ASIC2: variants seen among roughly 807,000 people sequenced by gnomAD.
The protein encoded by ASIC2 is acid-sensing ion channel 2.
ASIC2 carries 25 observed loss-of-function variants against 57.3 expected under a neutral mutation model. The ratio of observed to expected loss-of-function variants is 0.44; its 90% confidence interval spans 0.32 to 0.61. ASIC2 has a LOEUF of 0.61. Ranked by LOEUF, ASIC2 falls within the 20% of genes least tolerant of loss-of-function variation. The pLI is 0.06. For synonymous variants in ASIC2, 319 were observed against 307.5 expected (o/e 1.04, Z -0.39); for missense variants, 641 against 738.1 (o/e 0.87, Z 1.52).
At chr17:33,342,904 G>T (rs1907784576) in intron 1 of ASIC2, among the ~76,000 whole-genome samples, 2 of 152,156 alleles carry the variant, frequency 1.3e-5, no homozygotes, top group South Asian at 4.1e-4. Context: ...GGCAGGGCAG[G>T]CTCTAGGGAC....
chr17:33,417,829 A>G (rs1248477528), intron 1 of ASIC2, among the ~76,000 whole-genome samples: 1 of 152,114 alleles, frequency 6.6e-6, no homozygotes, highest in Non-Finnish European at 1.5e-5. Flanking sequence ...AGTCCACAAC[A>G]TCTGTGTGAT....
chr17:33,538,269 A>G (rs1488845809), intron 1 of ASIC2, among the ~76,000 whole-genome samples: 1 of 152,214 alleles, frequency 6.6e-6, no homozygotes, highest in East Asian at 1.9e-4. Context: ...GTGAATGATT[A>G]GGTCTCATCG....
intron 1 of ASIC2, among the ~76,000 whole-genome samples, chr17:33,168,013 T>C (rs575855769): frequency 6.6e-6 from 1 of 152,220 alleles, no homozygotes; most frequent in African/African-American, 2.4e-5. Context: ...AATGCAATAA[T>C]GCCAATATTG....
chr17:33,751,320 G>C (rs542921955), intron 1 of ASIC2, among the ~76,000 whole-genome samples: 1 of 152,162 alleles, frequency 6.6e-6, no homozygotes, highest in Admixed American at 6.5e-5. Flanking sequence ...CCATCTAGTG[G>C]CACTGCCAGG....
chr17:34,116,474 G>T (rs1464343871), intron 1 of ASIC2, among the ~76,000 whole-genome samples: 2 of 152,164 alleles, frequency 1.3e-5, no homozygotes, highest in East Asian at 3.9e-4. Flanking sequence ...TCACCCCTCA[G>T]TGTAGGCCAG....
intron 1 of ASIC2, among the ~76,000 whole-genome samples, chr17:34,115,339 C>T (rs766255853): frequency 2.6e-5 from 4 of 152,174 alleles, no homozygotes; most frequent in Non-Finnish European, 4.4e-5. Context: ...CACTAGAACT[C>T]ATGTTTCCCA....
intron 1 of ASIC2, among the ~76,000 whole-genome samples, chr17:34,079,481 G>A (rs1187573034): frequency 6.6e-6 from 1 of 152,152 alleles, no homozygotes; most frequent in Non-Finnish European, 1.5e-5. Context: ...AGGTAGACCA[G>A]GTACCTCACT....
chr17:33,727,692 C>T (rs866670329), intron 1 of ASIC2, among the ~76,000 whole-genome samples: 2 of 152,196 alleles, frequency 1.3e-5, no homozygotes, highest in Non-Finnish European at 2.9e-5. Flanking sequence ...CAGAAGCCAA[C>T]GGATGGCCAG....
chr17:33,807,578 CTCTT>C (rs980366348), intron 1 of ASIC2, among the ~76,000 whole-genome samples: 8 of 152,140 alleles, frequency 5.3e-5, no homozygotes, highest in African/African-American at 1.9e-4. Context: ...CCTCTTTACT[CTCTT>C]TCTTCTCTTG....
chr17:33,350,662 A>G (rs2142248106), intron 1 of ASIC2, among the ~76,000 whole-genome samples: 1 of 152,080 alleles, frequency 6.6e-6, no homozygotes, highest in East Asian at 1.9e-4. Context: ...AGTCTGGGCA[A>G]CAGAGCGAGA....
intron 1 of ASIC2, among the ~76,000 whole-genome samples, chr17:33,964,054 C>T (rs889578990): frequency 1.1e-4 from 17 of 152,220 alleles, no homozygotes; most frequent in African/African-American, 3.6e-4. Flanking sequence ...CAGGGCCCAA[C>T]TCCCCATTGC....
At chr17:33,464,687 C>A (rs200927929) in intron 1 of ASIC2, among the ~76,000 whole-genome samples, 1,566 of 132,606 alleles carry the variant, frequency 0.012, 62 homozygotes, top group East Asian at 0.11. Flanking sequence ...CTCTCTCTCT[C>A]TATATATATA....
chr17:33,425,759 T>C (rs1188803391), intron 1 of ASIC2, among the ~76,000 whole-genome samples: 1 of 152,100 alleles, frequency 6.6e-6, no homozygotes, highest in Admixed American at 6.5e-5. Flanking sequence ...TGCGTGGCTA[T>C]TAGGGATGAA....
At chr17:33,985,367 T>C (rs1905781040) in intron 1 of ASIC2, among the ~76,000 whole-genome samples, 1 of 152,216 alleles carries the variant, frequency 6.6e-6, no homozygotes, top group African/African-American at 2.4e-5. Context: ...CTCGTAACTT[T>C]AGCGTGCATA....
At chr17:33,233,818 A>G (rs770279638) in intron 1 of ASIC2, among the ~76,000 whole-genome samples, 2 of 152,220 alleles carry the variant, frequency 1.3e-5, no homozygotes, top group Non-Finnish European at 2.9e-5. Flanking sequence ...ACACACAGAT[A>G]CACACACTTA....
chr17:33,070,794 G>A lies in ASIC2; in HGVS notation c.987+18069C>T, dbSNP rs150607901. 3.4e-3 allele frequency among the ~76,000 whole-genome samples: 524 copies of A among 152,230 alleles called. 2 individuals carry two copies. Among genetic ancestry groups the A allele is most frequent in the African/African-American group, 0.012 (503 of 41,540 alleles). ...ATCTGCTGGTGATAGATATGCTGGAGTAAGGATCTGCTGGCTCTTCTGCTT... is the reference window on the plus strand; with the variant it reads ...ATCTGCTGGTGATAGATATGCTGGAATAAGGATCTGCTGGCTCTTCTGCTT... On this transcript the variant is annotated intron_variant, in intron 3 of 9. Transcript: ENST00000225823.
At chr17:33,390,183 C>T (rs1301330597) in intron 1 of ASIC2, among the ~76,000 whole-genome samples, 1 of 151,982 alleles carries the variant, frequency 6.6e-6, no homozygotes, top group Non-Finnish European at 1.5e-5. Flanking sequence ...TGTGGTGGCA[C>T]ACGCCTGTAA....
At chr17:33,761,376 C>T (rs1209451505) in intron 1 of ASIC2, among the ~76,000 whole-genome samples, 1 of 152,112 alleles carries the variant, frequency 6.6e-6, no homozygotes, top group Non-Finnish European at 1.5e-5. Context: ...TGAAGGAGCT[C>T]TGTAGGGAAT....
intron 1 of ASIC2, among the ~76,000 whole-genome samples, chr17:33,633,035 G>T (rs1906225339): frequency 6.6e-6 from 1 of 152,164 alleles, no homozygotes; most frequent in Non-Finnish European, 1.5e-5. Flanking sequence ...CTCCTGTGTG[G>T]GTTCCAGCAC....
Sources: gnomAD v4.1 joint callset for allele counts (sites outside exome capture counted in the v4.1 genomes callset) on GRCh38, gnomAD v4.1.1 for gene constraint, MANE v1.5 for transcripts, NCBI Gene and HGNC (gene_info 2026-07-23, HGNC 2026-07-21) for gene names.